OTUD7A: variants seen among roughly 807,000 people sequenced by gnomAD.
OTUD7A encodes the protein OTU deubiquitinase 7A, also known as OTU domain-containing protein 7A.
A neutral mutation model predicts 65.7 loss-of-function variants in OTUD7A; 12 were observed. The observed-to-expected ratio is 0.18, with a 90% CI of 0.12 to 0.30. The LOEUF (loss-of-function observed/expected upper bound fraction) is 0.30. Ranked by LOEUF, OTUD7A falls within the 10% of genes least tolerant of loss-of-function variation. OTUD7A has a pLI of 1.00. For synonymous variants in OTUD7A, 641 were observed against 586.3 expected (o/e 1.09, Z -1.35); for missense variants, 1,148 against 1,304.8 (o/e 0.88, Z 1.85).
chr15:31,524,123 CCTCTT>C (rs2041976346), intron 8 of OTUD7A, among the ~76,000 whole-genome samples: 1 of 151,966 alleles, frequency 6.6e-6, no homozygotes, highest in African/African-American at 2.4e-5. Flanking sequence ...TATGCTCTGT[CCTCTT>C]CTGAGTTTTT....
intron 1 of OTUD7A, among the ~76,000 whole-genome samples, chr15:31,756,627 A>AACAC (rs56792926): frequency 3.6e-5 from 5 of 138,382 alleles, no homozygotes; most frequent in African/African-American, 1.1e-4. Context: ...CAGTGTACCC[A>AACAC]ACACACACAC....
intron 3 of OTUD7A, among the ~76,000 whole-genome samples, chr15:31,600,024 C>T (rs1890027920): frequency 6.6e-6 from 1 of 152,090 alleles, no homozygotes; most frequent in African/African-American, 2.4e-5. Context: ...GACTGATATA[C>T]CTGAAAGTGA....
rs1170532149 is a variant in OTUD7A at position 31,592,879 on chromosome 15, C to CA, written c.152-22683dup. Among the ~76,000 whole-genome samples, 32 of 8,532 alleles carry CA rather than the reference C, an allele frequency of 3.8e-3. 4 individuals are homozygous for CA. Among genetic ancestry groups the CA allele is most frequent in the Middle Eastern group, 0.17 (1 of 6 alleles). 5.6% of individuals were successfully genotyped at this position (8,532 alleles called of 152,430 possible). On this transcript the variant is annotated intron_variant, in intron 3 of 12. Coordinates refer to ENST00000307050, the MANE Select transcript of OTUD7A (RefSeq NM_001382637.1). ...TGGGTGACAGAGCAAGGCTCTGTCT[C>CA]AAAAAAAAAAAAAAAAAAAAAAAAA...
At chr15:31,737,870 T>C (rs577281569) in intron 1 of OTUD7A, among the ~76,000 whole-genome samples, 1 of 152,310 alleles carries the variant, frequency 6.6e-6, no homozygotes, top group South Asian at 2.1e-4. Flanking sequence ...CAGAATCATA[T>C]GTATTGTAGG....
At chr15:31,741,407 G>C (rs1366582686) in intron 1 of OTUD7A, among the ~76,000 whole-genome samples, 1 of 151,868 alleles carries the variant, frequency 6.6e-6, no homozygotes, top group Admixed American at 6.5e-5. Flanking sequence ...GCATACATGT[G>C]CCATGTTGGT....
chr15:31,709,538 G>A (rs143220259), intron 1 of OTUD7A, among the ~76,000 whole-genome samples: 4 of 152,282 alleles, frequency 2.6e-5, no homozygotes, highest in Non-Finnish European at 4.4e-5. Context: ...GATGTGGCCA[G>A]GGAACCAGGA....
At chr15:31,653,139 C>T (rs373276985) in intron 3 of OTUD7A, among the ~76,000 whole-genome samples, 5 of 151,772 alleles carry the variant, frequency 3.3e-5, no homozygotes, top group Non-Finnish European at 7.4e-5. Context: ...ATCACAGCTA[C>T]TCAGGAGGCT....
In OTUD7A at chr15:31,484,759, T is replaced by TA. The variant is rs1409728245; in HGVS notation, c.1372-36dup. 8 of 1,582,816 alleles carry TA rather than the reference T, an allele frequency of 5.1e-6. No individual in the cohort carries two copies. Among genetic ancestry groups the TA allele is most frequent in the Non-Finnish European group, 6.8e-6 (8 of 1,171,596 alleles). On this transcript the variant is annotated intron_variant, in intron 12 of 12. Transcript: ENST00000307050. This position sits in a 1 kb window ranked among gnomAD's most constrained non-coding sequence, Gnocchi z 4.5. ...GAGGGAGGGCCGGATCGAAGGTGGT[T>TA]AGAGAAGAGCTGTCCACGCGCCAGC... is the stretch of plus-strand genomic sequence containing the variant.
chr15:31,822,573 G>C (rs953922447), intron 1 of OTUD7A, among the ~76,000 whole-genome samples: 2 of 152,108 alleles, frequency 1.3e-5, no homozygotes, highest in Admixed American at 1.3e-4. Flanking sequence ...CTGCCTCTTT[G>C]TGGGCAGAGA....
At chr15:31,869,113 T>C (rs1897955256) in intron 1 of OTUD7A, among the ~76,000 whole-genome samples, 1 of 152,264 alleles carries the variant, frequency 6.6e-6, no homozygotes, top group Admixed American at 6.5e-5. Flanking sequence ...TGCTTAGTTT[T>C]GTTCCCATAA....
At chr15:31,663,246 A>AACACACACACAC (rs531313199) in intron 1 of OTUD7A, among the ~76,000 whole-genome samples, 4,559 of 140,556 alleles carry the variant, frequency 0.032, 89 homozygotes, top group African/African-American at 0.037. Context: ...TCTTGGGCTA[A>AACACACACACAC]ACACACACAC....
intron 1 of OTUD7A, among the ~76,000 whole-genome samples, chr15:31,727,929 C>A (rs951589701): frequency 6.6e-6 from 1 of 152,172 alleles, no homozygotes; most frequent in Non-Finnish European, 1.5e-5. Context: ...TTTATGCTCA[C>A]TTATGCTTTC....
intron 1 of OTUD7A, among the ~76,000 whole-genome samples, chr15:31,798,583 G>A (rs917898178): frequency 6.6e-6 from 1 of 152,216 alleles, no homozygotes; most frequent in African/African-American, 2.4e-5. Flanking sequence ...AATTTCCCCT[G>A]CATGCTGCAC....
intron 3 of OTUD7A, among the ~76,000 whole-genome samples, chr15:31,592,912 T>TAA: frequency 2.1e-5 from 1 of 47,594 alleles, no homozygotes; most frequent in Non-Finnish European, 3.3e-5. Context: ...AAAATATATA[T>TAA]ATATATATAT....
At chr15:31,802,078 A>C (rs576886231) in intron 1 of OTUD7A, among the ~76,000 whole-genome samples, 35 of 149,814 alleles carry the variant, frequency 2.3e-4, no homozygotes, top group African/African-American at 8.4e-4. Context: ...GACAGAACTA[A>C]TGGAATATAT....
intron 8 of OTUD7A, among the ~76,000 whole-genome samples, chr15:31,526,061 A>G (rs2042007735): frequency 6.6e-6 from 1 of 152,212 alleles, no homozygotes; most frequent in African/African-American, 2.4e-5. Context: ...TGTGCACAAT[A>G]AAGTTCAAGG....
At chr15:31,532,655 C>T (rs1004558216) in intron 5 of OTUD7A, among the ~76,000 whole-genome samples, 7 of 152,164 alleles carry the variant, frequency 4.6e-5, no homozygotes, top group Admixed American at 1.3e-4. Context: ...AGGCCAGGCG[C>T]GGTGGCTCAC....
At chr15:31,656,672 T>C (rs1368710844) in intron 2 of OTUD7A, among the ~76,000 whole-genome samples, 2 of 152,080 alleles carry the variant, frequency 1.3e-5, no homozygotes, top group Non-Finnish European at 2.9e-5. Context: ...CCCACTGGGA[T>C]GGGTGCTGCT....
In OTUD7A at chr15:31,746,585, C is replaced by A. The variant is rs565448374; in HGVS notation, c.-99-89508G>T. Reference sequence around the variant, plus strand: ...GATCTCGGCTCCCTGCAACCTCCACCTCCCAGGTTCAAGTGATTCTCCTGC... The same window carrying A: ...GATCTCGGCTCCCTGCAACCTCCACATCCCAGGTTCAAGTGATTCTCCTGC... On this transcript the variant is annotated intron_variant, in intron 1 of 12. Coordinates refer to ENST00000307050, the MANE Select transcript of OTUD7A (RefSeq NM_001382637.1). Among the ~76,000 whole-genome samples the A allele has an allele frequency of 1.1e-4, 17 of 151,850 alleles. 1 individual carries two copies. The highest frequency in any genetic ancestry group is 6.8e-3 in the Middle Eastern group (2 of 294).
Sources: allele counts gnomAD v4.1 joint callset (sites outside exome capture counted in the v4.1 genomes callset), GRCh38; gene constraint gnomAD v4.1.1; non-coding constraint Gnocchi (gnomAD v3.1); transcripts MANE v1.5; gene names NCBI Gene and HGNC (gene_info 2026-07-23, HGNC 2026-07-21).